The following FRAS1 variants were observed in gnomAD, a reference collection of about 807,000 sequenced individuals.
FRAS1 encodes the protein extracellular matrix organizing protein FRAS1.
FRAS1 carries 290 observed loss-of-function variants against 435.2 expected under a neutral mutation model. That is an observed-to-expected ratio of 0.67 (90% confidence interval 0.61 to 0.73). FRAS1 has a LOEUF of 0.73. FRAS1 is among the 30% of genes least tolerant of loss of function. The probability of loss-of-function intolerance (pLI) is 0.00; values close to 1 mark genes in which losing one functional copy is unlikely to be tolerated. For missense variants in FRAS1, 4,860 were observed against 5,001.5 expected (o/e 0.97, Z 0.85); for synonymous variants, 1,800 against 1,851.0 (o/e 0.97, Z 0.71).
At chr4:78,450,484 TA>T in intron 45 of FRAS1, 145 bp downstream of exon 45, 1 of 640,550 alleles carries the variant, frequency 1.6e-6, no homozygotes, top group Non-Finnish European at 2.6e-6. Context: ...CTTGTTTTCT[TA>T]TTTTTTTTTT....
rs1253135490 is a variant in FRAS1, at chr4:78,477,859, C to T, written c.7896C>T (p.Val2632=). Residue 2632 remains valine, a synonymous_variant, in exon 55 of 74, where the codon GTC becomes GTT. Transcript: ENST00000512123. ...AGGACACCAAGTCCTGCACCATTGT[C>T]ATCAACGATGATGACGTGTTTGAAA... The part of the protein sequence containing the change: ...EREDTKSCTI[V]INDDDVFENV... The T allele has an allele frequency of 1.2e-6, 2 of 1,613,466 alleles. No homozygotes were observed. The highest frequency in any genetic ancestry group is 1.3e-5 in the African/African-American group (1 of 74,930).
chr4:78,214,231 T>A (rs1029861988), intron 2 of FRAS1, among the ~76,000 whole-genome samples: 3 of 152,238 alleles, frequency 2.0e-5, no homozygotes, highest in Non-Finnish European at 1.5e-5. Context: ...AAGGTACTGT[T>A]ATGTTCTATC....
chr4:78,522,860 T>A, intron 69 of FRAS1, 52 bp downstream of exon 69: 1 of 1,467,028 alleles, frequency 6.8e-7, no homozygotes, highest in Non-Finnish European at 9.1e-7. Context: ...GTTTTCCATT[T>A]CTTTCAGGAG....
At chr4:78,184,065 C>T (rs17003031) in intron 2 of FRAS1, among the ~76,000 whole-genome samples, 5,767 of 152,160 alleles carry the variant, frequency 0.038, 241 homozygotes, top group African/African-American at 0.1. Flanking sequence ...TCAGAATCTA[C>T]GTCCCGTATG....
intron 61 of FRAS1, among the ~76,000 whole-genome samples, chr4:78,500,410 G>A (rs1720640119): frequency 6.6e-6 from 1 of 152,140 alleles, no homozygotes; most frequent in Non-Finnish European, 1.5e-5. Context: ...AGAGAGAGAT[G>A]GCGTTCAGGT....
intron 37 of FRAS1, 123 bp from the exon 38 acceptor site, chr4:78,432,234 A>G: frequency 1.1e-6 from 1 of 892,532 alleles, no homozygotes; most frequent in Non-Finnish European, 1.6e-6. Flanking sequence ...TGGTTGGATT[A>G]GCCTGTAACT....
Position 78,515,861 on chromosome 4 carries a change from C to T in FRAS1, c.10237C>T (p.Pro3413Ser), listed in dbSNP as rs189612722. 338 of 1,614,012 alleles carry T rather than the reference C, an allele frequency of 2.1e-4. 1 individual carries two copies. In the African/African-American group the frequency reaches 4.0e-3, roughly 19 times the overall value. ...TGCCCTGGGGCCTGGCTACGATCGC[C>T]CCTTCCAGTTTGACCCCAGCGTGCG... Reference protein sequence around the residue: ...STALGPGYDRPFQFDPSVREP... With the variant: ...STALGPGYDRSFQFDPSVREP... The change falls in exon 66 of 74, where the codon CCC becomes TCC. Residue 3413 changes from proline to serine, a missense_variant. Coordinates refer to ENST00000512123, the MANE Select transcript of FRAS1 (RefSeq NM_025074.7).
At chr4:78,461,961 G>A (rs529237776) in intron 47 of FRAS1, among the ~76,000 whole-genome samples, 3 of 147,534 alleles carry the variant, frequency 2.0e-5, no homozygotes, top group South Asian at 2.1e-4. Context: ...GGTAGGCGAC[G>A]GGAAAGGGAA....
Position 78,479,386 on chromosome 4 carries a change from G to C in FRAS1, c.8111G>C (p.Ser2704Thr). 6.7e-7 allele frequency: 1 copy of C among 1,495,242 alleles called. No homozygotes were observed. 92.6% of individuals were successfully genotyped at this position (1,495,242 alleles called of 1,614,324 possible). A position where few individuals can be genotyped will look rare whatever the true frequency, so the allele number is the denominator to read the frequency against. Residue 2704 changes from serine to threonine, a missense_variant, in exon 56 of 74, where the codon AGC (serine) becomes ACC (threonine). Coordinates refer to ENST00000512123, the MANE Select transcript of FRAS1 (RefSeq NM_025074.7). ...APIERKGDAS[S>T]IVSAICYTVP... ...ATTTGTATTTCAGGAGATGCAAGCA[G>C]CATTGTATCTGCAATTTGCTACACA...
At chr4:78,202,338 C>G (rs1723080323) in intron 2 of FRAS1, among the ~76,000 whole-genome samples, 1 of 152,142 alleles carries the variant, frequency 6.6e-6, no homozygotes, top group South Asian at 2.1e-4. Flanking sequence ...GCAGTGACTC[C>G]CAAACCTGGA....
At chr4:78,514,430 T>C (rs548309371) in intron 65 of FRAS1, among the ~76,000 whole-genome samples, 1 of 152,388 alleles carries the variant, frequency 6.6e-6, no homozygotes, top group East Asian at 1.9e-4. Flanking sequence ...CTTAACAGTG[T>C]TTTTGAAGAC....
At chr4:78,506,527 A>C (rs913380405) in intron 61 of FRAS1, among the ~76,000 whole-genome samples, 5 of 135,844 alleles carry the variant, frequency 3.7e-5, no homozygotes, top group African/African-American at 1.5e-4. Flanking sequence ...AGCAGCGAGC[A>C]AAGCTCCATG....
At chr4:78,300,186 T>C (rs1310206280) in intron 14 of FRAS1, among the ~76,000 whole-genome samples, 1 of 152,194 alleles carries the variant, frequency 6.6e-6, no homozygotes, top group Non-Finnish European at 1.5e-5. Context: ...GTAGAATTTG[T>C]TACTGAGATC....
At chr4:78,461,382 G>T (rs1719364168) in intron 47 of FRAS1, among the ~76,000 whole-genome samples, 1 of 152,168 alleles carries the variant, frequency 6.6e-6, no homozygotes, top group Non-Finnish European at 1.5e-5. Flanking sequence ...ACCGCCTCGG[G>T]TTTCAATTTC....
chr4:78,090,556 T>C (rs1578116753), intron 2 of FRAS1, among the ~76,000 whole-genome samples: 1 of 152,310 alleles, frequency 6.6e-6, no homozygotes. Context: ...TCCGTCACTT[T>C]TAAACTTAAT....
chr4:78,435,692 C>T (rs145942590), intron 38 of FRAS1, among the ~76,000 whole-genome samples: 4,565 of 150,788 alleles, frequency 0.03, 250 homozygotes, highest in African/African-American at 0.1. Flanking sequence ...GAGCCAAGAT[C>T]ATACCACTGC....
intron 41 of FRAS1, among the ~76,000 whole-genome samples, chr4:78,443,690 T>C (rs928945294): frequency 9.2e-5 from 14 of 152,226 alleles, no homozygotes; most frequent in African/African-American, 3.4e-4. Flanking sequence ...TTAATAAGAA[T>C]GATTTATGTC....
chr4:78,330,898 C>G (rs1051592862), intron 18 of FRAS1, among the ~76,000 whole-genome samples: 1 of 152,230 alleles, frequency 6.6e-6, no homozygotes, highest in South Asian at 2.1e-4. Context: ...CTGTGACCCA[C>G]ACCCTATTCG....
rs114390462 is a variant in FRAS1 at position 78,454,908 on chromosome 4, A to C, written c.6763+2554A>C. Among the ~76,000 whole-genome samples, 229 of 152,336 alleles carry C rather than the reference A, an allele frequency of 1.5e-3. 2 individuals carry two copies. The highest frequency in any genetic ancestry group is 5.0e-3 in the African/African-American group (208 of 41,582). On this transcript the variant is annotated intron_variant, in intron 47 of 73. Transcript: ENST00000512123. ...GTGGTTCGGGAGAGGCCAGTAGGTG[A>C]TCATGCTTCTCCCTCCTCCTGGAAC...
Sources: gnomAD v4.1 joint callset for allele counts (sites outside exome capture counted in the v4.1 genomes callset) on GRCh38, gnomAD v4.1.1 for gene constraint, MANE v1.5 for transcripts, NCBI Gene and HGNC (gene_info 2026-07-23, HGNC 2026-07-21) for gene names.